The following CEP128 variants were observed in gnomAD, a reference collection of about 807,000 sequenced individuals.
CEP128 encodes centrosomal protein 128kDa.
CEP128 carries 132 observed loss-of-function variants against 156.7 expected under a neutral mutation model. The observed-to-expected ratio is 0.84, with a 90% CI of 0.73 to 0.97. The LOEUF is 0.97. Ranked by LOEUF, CEP128 falls within the 50% of genes least tolerant of loss-of-function variation. CEP128 has a pLI of 0.00. For synonymous variants in CEP128, 469 were observed against 448.9 expected, an observed-to-expected ratio of 1.04 and a Z score of -0.57; for missense variants, 1,252 against 1,281.9, an observed-to-expected ratio of 0.98 and a Z score of 0.36.
chr14:80,495,683 A>G (rs1296691351), downstream of CEP128, among the ~76,000 whole-genome samples: 3 of 152,092 alleles, frequency 2.0e-5, no homozygotes, highest in Non-Finnish European at 2.9e-5. Context: ...TTTTTAAATG[A>G]CCATAGATGC....
At chr14:80,624,794 G>A (rs985707204) in intron 19 of CEP128, among the ~76,000 whole-genome samples, 1 of 152,036 alleles carries the variant, frequency 6.6e-6, no homozygotes, top group Non-Finnish European at 1.5e-5. Flanking sequence ...AGTTGTCTGA[G>A]TTCTTTACAT....
intron 19 of CEP128, among the ~76,000 whole-genome samples, chr14:80,656,275 TTATTTATATATATATTTATATA>T (rs1452014442): frequency 0.012 from 531 of 44,510 alleles, 58 homozygotes; most frequent in East Asian, 0.018. Flanking sequence ...ACCTAAGTTT[TTATTTATATATATATTTATATA>T]TATATATATA....
chr14:80,813,048 G>A (rs1020647545), intron 13 of CEP128, among the ~76,000 whole-genome samples: 17 of 152,066 alleles, frequency 1.1e-4, no homozygotes, highest in African/African-American at 3.4e-4. Flanking sequence ...TGTCCTTTGC[G>A]TATTTTTTAA....
intron 14 of CEP128, among the ~76,000 whole-genome samples, chr14:80,482,809 G>C (rs991627004): frequency 3.3e-5 from 5 of 152,198 alleles, no homozygotes; most frequent in African/African-American, 9.7e-5. Flanking sequence ...GAAACAAAGA[G>C]GGACAGAAGT....
chr14:80,813,286 C>T (rs1339597137), intron 13 of CEP128, among the ~76,000 whole-genome samples: 2 of 152,122 alleles, frequency 1.3e-5, no homozygotes, highest in Non-Finnish European at 2.9e-5. Flanking sequence ...GAAGTCTTTG[C>T]CAGGGCTTAC....
chr14:80,870,313 C>T (rs557266216), intron 8 of CEP128, among the ~76,000 whole-genome samples: 22 of 152,002 alleles, frequency 1.4e-4, no homozygotes, highest in African/African-American at 5.1e-4. Flanking sequence ...CCAATATCCC[C>T]GATGAACACA....
intron 19 of CEP128, among the ~76,000 whole-genome samples, chr14:80,609,646 T>C (rs1410238985): frequency 2.0e-5 from 3 of 152,168 alleles, no homozygotes; most frequent in African/African-American, 7.2e-5. Context: ...ACCCATGTCA[T>C]TGGTGTCATT....
chr14:80,808,476 C>T (rs1884314471), intron 13 of CEP128, among the ~76,000 whole-genome samples: 1 of 152,158 alleles, frequency 6.6e-6, no homozygotes, highest in Non-Finnish European at 1.5e-5. Context: ...GGTCATCTCA[C>T]CACTGCTACT....
rs547039837 is a variant in CEP128 at position 80,621,639 on chromosome 14, G to A, written c.2807-41216C>T. The stretch of plus-strand genomic sequence containing the variant: ...ATTAGAAAGACTAAAAAGGGGGTAC[G>A]GTCTAGATTACTCTTTGAAAATCAT... On this transcript the variant is annotated intron_variant, in intron 19 of 24. Transcript: ENST00000555265. Among the ~76,000 whole-genome samples the A allele has an allele frequency of 5.9e-5, 9 of 152,228 alleles. No individual in the cohort carries two copies. In the East Asian group the frequency reaches 1.2e-3, roughly 20 times the overall value.
chr14:80,545,790 G>A (rs1319116396), intron 21 of CEP128, among the ~76,000 whole-genome samples: 3 of 152,136 alleles, frequency 2.0e-5, no homozygotes, highest in Admixed American at 2.0e-4. Flanking sequence ...AGTAACACCA[G>A]GTTTTAGGGG....
intron 19 of CEP128, among the ~76,000 whole-genome samples, chr14:80,683,555 G>A (rs35731915): frequency 6.6e-6 from 1 of 152,008 alleles, no homozygotes; most frequent in Middle Eastern, 3.2e-3. Context: ...GACAGCATTA[G>A]ACAGATCATC....
At chr14:80,845,886 T>C (rs932106239) in intron 9 of CEP128, among the ~76,000 whole-genome samples, 3 of 152,128 alleles carry the variant, frequency 2.0e-5, no homozygotes, top group Non-Finnish European at 1.5e-5. Context: ...ATAAATTCAC[T>C]GAAAACATAG....
At chr14:80,632,631 T>C (rs1894009024) in intron 19 of CEP128, among the ~76,000 whole-genome samples, 1 of 151,460 alleles carries the variant, frequency 6.6e-6, no homozygotes, top group South Asian at 2.1e-4. Flanking sequence ...AGTTTTTTAG[T>C]ATTCTGCTCT....
chr14:80,857,946 A>AT (rs1887287160), intron 9 of CEP128, among the ~76,000 whole-genome samples: 1 of 152,226 alleles, frequency 6.6e-6, no homozygotes, highest in Admixed American at 6.5e-5. Flanking sequence ...TCCTTACCAA[A>AT]TAAAGAAAAT....
intron 13 of CEP128, among the ~76,000 whole-genome samples, chr14:80,825,605 C>T (rs892572415): frequency 4.6e-5 from 7 of 151,976 alleles, no homozygotes. Flanking sequence ...GTAATAAATA[C>T]AAGCTAATGT....
intron 4 of CEP128, among the ~76,000 whole-genome samples, chr14:80,907,515 G>A (rs143961980): frequency 0.02 from 3,054 of 151,982 alleles, 80 homozygotes; most frequent in Non-Finnish European, 0.029. Context: ...AAAATTAGCC[G>A]GGCATGATGG....
intron 19 of CEP128, among the ~76,000 whole-genome samples, chr14:80,742,364 C>T (rs1034405204): frequency 1.3e-5 from 2 of 152,100 alleles, no homozygotes; most frequent in African/African-American, 4.8e-5. Context: ...CTCTCTCTTC[C>T]TCACCTTGGG....
At chr14:80,892,107 T>TG (rs1889129824) in intron 8 of CEP128, among the ~76,000 whole-genome samples, 2 of 151,134 alleles carry the variant, frequency 1.3e-5, no homozygotes, top group Admixed American at 1.3e-4. Context: ...CCTAAAACAA[T>TG]TCCAAGAATG....
chr14:80,630,480 G>A (rs1319186469), intron 19 of CEP128, among the ~76,000 whole-genome samples: 1 of 151,914 alleles, frequency 6.6e-6, no homozygotes, highest in Non-Finnish European at 1.5e-5. Flanking sequence ...CAGTGTAACG[G>A]TTTACATTAT....
Sources: allele counts gnomAD v4.1 joint callset (sites outside exome capture counted in the v4.1 genomes callset), GRCh38; gene constraint gnomAD v4.1.1; transcripts MANE v1.5; gene names NCBI Gene and HGNC (gene_info 2026-07-23, HGNC 2026-07-21).